QTRT2: variants seen among roughly 807,000 people sequenced by gnomAD.
QTRT2 encodes queuine tRNA-ribosyltransferase domain containing 1.
In QTRT2, 32 loss-of-function variants were observed where a neutral mutation model predicts 44.8. The observed-to-expected ratio is 0.71, with a 90% CI of 0.54 to 0.96. The LOEUF (loss-of-function observed/expected upper bound fraction) is 0.96, where lower values mean the gene tolerates loss of function less well. Among genes scored for constraint, QTRT2 ranks in the 40% least tolerant of loss-of-function variants. QTRT2 has a pLI of 0.00. For synonymous variants in QTRT2, 182 were observed against 187.4 expected, an observed-to-expected ratio of 0.97 and a Z score of 0.24; for missense variants, 461 against 503.1, an observed-to-expected ratio of 0.92 and a Z score of 0.80.
intron 4 of QTRT2, among the ~76,000 whole-genome samples, chr3:114,066,897 A>G (rs2076961350): frequency 6.6e-6 from 1 of 152,234 alleles, no homozygotes; most frequent in Non-Finnish European, 1.5e-5. Flanking sequence ...ATATGGCTGT[A>G]TTCTGATATG....
intron 2 of QTRT2, among the ~76,000 whole-genome samples, chr3:114,059,068 A>G (rs2076848763): frequency 6.6e-6 from 1 of 152,246 alleles, no homozygotes; most frequent in African/African-American, 2.4e-5. Context: ...TAGAGAATCC[A>G]GCTAGGAAAC....
chr3:114,082,988 A>G (rs2077186675), intron 9 of QTRT2, 194 bp downstream of exon 9: 1 of 555,834 alleles, frequency 1.8e-6, no homozygotes, highest in South Asian at 1.7e-5. Context: ...TCGTCTTGTC[A>G]GAAGACTGGA....
intron 7 of QTRT2, 41 bp from the exon 8 acceptor site, chr3:114,079,865 G>C (rs1316945269): frequency 6.3e-7 from 1 of 1,595,544 alleles, no homozygotes. Context: ...TTCCTTCCTT[G>C]CATTGTCCTC....
intron 6 of QTRT2, 134 bp from the exon 7 acceptor site, chr3:114,076,609 C>G: frequency 1.4e-6 from 1 of 734,430 alleles, no homozygotes; most frequent in East Asian, 2.6e-5. Flanking sequence ...GGAGGGAGCA[C>G]CATCCCCTTT....
At chr3:114,061,941 T>C (rs184954525) in intron 2 of QTRT2, among the ~76,000 whole-genome samples, 3 of 151,818 alleles carry the variant, frequency 2.0e-5, no homozygotes, top group Admixed American at 1.3e-4. Flanking sequence ...AAAAGATGTT[T>C]CATAGATTTC....
chr3:114,057,881 G>A (rs1404978379), intron 2 of QTRT2, among the ~76,000 whole-genome samples: 1 of 152,168 alleles, frequency 6.6e-6, no homozygotes, highest in Non-Finnish European at 1.5e-5. Context: ...GCGGGAGGGA[G>A]AAAGGGAAAA....
At position 114,086,969 on chromosome 3, in the gene QTRT2, T is replaced by TA. The variant is rs774585004; in HGVS notation, c.*1066dup. ...CCTGGGAGACAGGCAACAGTAGAGA[T>TA]ATTTGAGAGCCTAAAGAGAGGTTTG... On this transcript the variant is annotated 3_prime_UTR_variant, in exon 10 of 10. Coordinates refer to ENST00000281273, the MANE Select transcript of QTRT2 (RefSeq NM_024638.4). 1.3e-5 allele frequency: 2 copies of TA among 152,192 alleles called. No individual in the cohort carries two copies. Among genetic ancestry groups the TA allele is most frequent in the Non-Finnish European group, 1.5e-5 (1 of 68,046 alleles). 9.4% of individuals were successfully genotyped at this position (152,192 alleles called of 1,614,324 possible). A position where few individuals can be genotyped will look rare whatever the true frequency, so the allele number is the denominator to read the frequency against.
intron 7 of QTRT2, 96 bp downstream of exon 7, chr3:114,077,038 C>A: frequency 8.4e-7 from 1 of 1,186,064 alleles, no homozygotes. Context: ...ATAGGCATGC[C>A]TTTGATGTTT....
chr3:114,070,771 T>A lies in QTRT2; in HGVS notation c.479T>A (p.Val160Asp). 2 of 1,613,940 alleles carry A rather than the reference T, an allele frequency of 1.2e-6. No homozygotes were observed. The highest frequency in any genetic ancestry group is 1.7e-6 in the Non-Finnish European group (2 of 1,179,944). ...AAGGAAGCAACTTCCATAAAAAGGG[T>A]CAGAAAGTCTGTTGACCGATCACTT... ...SCKEATSIKRVRKSVDRSLLF... is the reference protein window; with the variant it reads ...SCKEATSIKRDRKSVDRSLLF... Residue 160 changes from valine to aspartate, a missense_variant, in exon 6 of 10, where the codon GTC (valine) becomes GAC (aspartate). Physicochemically the swap from Val to Asp is radical, Grantham distance 152 (BLOSUM62 -3). Transcript: ENST00000281273.
At chr3:114,065,484 T>C in intron 3 of QTRT2, 27 bp downstream of exon 3, 1 of 1,561,698 alleles carries the variant, frequency 6.4e-7, no homozygotes, top group South Asian at 1.1e-5. Flanking sequence ...ATGATTCAAG[T>C]ATCAACTGTG....
Position 114,088,054 on chromosome 3 carries a change from TG to T in QTRT2, c.*2152del, listed in dbSNP as rs1037922108. On this transcript the variant is annotated 3_prime_UTR_variant, in exon 10 of 10. Transcript: ENST00000281273. ...TTCCATGAATGGCAAGGGGTACTTA[TG>T]GAAAACAGTTTTCCAAAGATCTGAT... is the stretch of plus-strand genomic sequence containing the variant. 4 of 152,244 alleles carry T rather than the reference TG, an allele frequency of 2.6e-5. No homozygotes were observed. The highest frequency in any genetic ancestry group is 5.9e-5 in the Non-Finnish European group (4 of 68,044). 9.4% of individuals were successfully genotyped at this position (152,244 alleles called of 1,614,324 possible). A position where few individuals can be genotyped will look rare whatever the true frequency, so the allele number is the denominator to read the frequency against.
chr3:114,058,217 A>G (rs943662031), intron 2 of QTRT2, among the ~76,000 whole-genome samples: 7 of 152,318 alleles, frequency 4.6e-5, no homozygotes, highest in Admixed American at 2.6e-4. Flanking sequence ...AAATTAATTT[A>G]ACTTTTATTG....
chr3:114,068,243 A>C (rs1472940994), intron 5 of QTRT2, 180 bp downstream of exon 5: 1 of 543,206 alleles, frequency 1.8e-6, no homozygotes. Flanking sequence ...CCTAAGGATG[A>C]GGTTAAGATG....
chr3:114,062,265 A>G (rs2076897339), intron 2 of QTRT2, among the ~76,000 whole-genome samples: 1 of 146,608 alleles, frequency 6.8e-6, no homozygotes, highest in Non-Finnish European at 1.5e-5. Context: ...GCTACTTAGG[A>G]GGCTGAGGTG....
chr3:114,062,103 C>A (rs967591480), intron 2 of QTRT2, among the ~76,000 whole-genome samples: 2 of 151,384 alleles, frequency 1.3e-5, no homozygotes, highest in Admixed American at 1.3e-4. Context: ...CAGTGGCTCA[C>A]GCCTGTAATC....
At chr3:114,083,744 C>T (rs999471479) in intron 9 of QTRT2, among the ~76,000 whole-genome samples, 1 of 152,104 alleles carries the variant, frequency 6.6e-6, no homozygotes, top group Admixed American at 6.6e-5. Context: ...TGTTGGGACT[C>T]CTTTAATTGT....
At chr3:114,077,538 T>C (rs1007643833) in intron 7 of QTRT2, 2 of 153,082 alleles carry the variant, frequency 1.3e-5, no homozygotes, top group African/African-American at 4.8e-5. Flanking sequence ...ATTCTGAGTT[T>C]CTGAATGCAG....
chr3:114,064,592 T>C (rs535944297), intron 2 of QTRT2, among the ~76,000 whole-genome samples: 1 of 152,344 alleles, frequency 6.6e-6, no homozygotes, highest in African/African-American at 2.4e-5. Flanking sequence ...TTCCCAGTTA[T>C]AAAAGTAATG....
intron 2 of QTRT2, among the ~76,000 whole-genome samples, chr3:114,058,761 C>G (rs1310146930): frequency 6.6e-6 from 1 of 152,154 alleles, no homozygotes; most frequent in Non-Finnish European, 1.5e-5. Flanking sequence ...GAACTCCTGA[C>G]CTTAGGTGTT....
Sources: gnomAD v4.1 joint callset for allele counts (sites outside exome capture counted in the v4.1 genomes callset) on GRCh38, gnomAD v4.1.1 for gene constraint, MANE v1.5 for transcripts, NCBI Gene and HGNC (gene_info 2026-07-23, HGNC 2026-07-21) for gene names.